Variants in PUS3 observed in about 807,000 individuals in gnomAD.
The protein encoded by PUS3 is tRNA pseudouridine(38/39) synthase.
PUS3 carries 36 observed loss-of-function variants against 43.3 expected under a neutral mutation model. The observed-to-expected ratio is 0.83, with a 90% CI of 0.64 to 1.10. PUS3 has a LOEUF of 1.10. PUS3 is among the 50% of genes least tolerant of loss of function. The pLI is 0.00. For synonymous variants in PUS3, 183 were observed against 199.2 expected, an observed-to-expected ratio of 0.92 and a Z score of 0.69; for missense variants, 544 against 589.9, an observed-to-expected ratio of 0.92 and a Z score of 0.81.
Position 125,893,902 on chromosome 11 carries a change from A to G in PUS3, c.1329T>C (p.His443=), listed in dbSNP as rs752397379. The change falls in exon 4 of 4, where the codon CAT becomes CAC. Residue 443 remains histidine (H), a synonymous_variant. Transcript: ENST00000227474. ...CCCTTTTGGCTTTTGTTTCTTCCTC[A>G]TGGAATAAATGTGGGTGCTCAATTC... ...RGRIEHPHLF[H]EEETKAKRDC... is the part of the protein sequence containing the mutation. 13 of 1,614,038 alleles carry G rather than the reference A, an allele frequency of 8.1e-6. No homozygotes were observed. The highest frequency in any genetic ancestry group is 1.1e-5 in the Non-Finnish European group (13 of 1,180,012).
intron 1 of PUS3, among the ~76,000 whole-genome samples, chr11:125,897,522 T>TA (rs367854387): frequency 0.045 from 6,687 of 147,248 alleles, 240 homozygotes; most frequent in East Asian, 0.11. Flanking sequence ...AATGAAAAAG[T>TA]AAAAAAAAAA....
chr11:125,896,594 T>C (rs1215707798), intron 1 of PUS3, among the ~76,000 whole-genome samples: 7 of 152,220 alleles, frequency 4.6e-5, no homozygotes, highest in Non-Finnish European at 8.8e-5. Flanking sequence ...AGGGAGAATG[T>C]CTATAGATTT....
intron 1 of PUS3, chr11:125,899,226 TATG>T (rs1944681953): frequency 1.4e-6 from 1 of 699,256 alleles, no homozygotes; most frequent in African/African-American, 1.8e-5. Flanking sequence ...GTATTGAATT[TATG>T]ATGGCCTTAG....
At chr11:125,900,090 T>A (rs759786567) in intron 1 of PUS3, 1 of 1,614,144 alleles carries the variant, frequency 6.2e-7, no homozygotes, top group East Asian at 2.2e-5. Context: ...CGCTGGGGTG[T>A]CCGAGAGCAG....
At chr11:125,899,261 G>GC in intron 1 of PUS3, 1 of 926,904 alleles carries the variant, frequency 1.1e-6, no homozygotes, top group Non-Finnish European at 1.7e-6. Context: ...CCATTTGACT[G>GC]CTATAAAACG....
chr11:125,899,927 A>G, intron 1 of PUS3: 3 of 1,614,216 alleles, frequency 1.9e-6, no homozygotes, highest in Non-Finnish European at 2.5e-6. Context: ...ACAAGACCTG[A>G]TTGTTGCCAG....
chr11:125,899,219 T>A, intron 1 of PUS3: 1 of 671,232 alleles, frequency 1.5e-6, no homozygotes, highest in Non-Finnish European at 2.6e-6. Context: ...CTACCCTGTA[T>A]TGAATTTATG....
In PUS3 at chr11:125,894,173, G is replaced by T. The variant is rs1409803583; in HGVS notation, c.1058C>A (p.Ala353Asp). Residue 353 changes from alanine (A) to aspartate (D), a missense_variant, in exon 4 of 4, where the codon GCT becomes GAT. Transcript: ENST00000227474. ...CATGTGAGTTTTGACAGCATGATTA[G>T]CCCACAGTTGTTGTAGGTGGGTAAT... ...FNITHLQQLW[A>D]NHAVKTHMLY... The T allele has an allele frequency of 1.2e-6, 2 of 1,614,100 alleles. No individual in the cohort carries two copies. Among genetic ancestry groups the T allele is most frequent in the Admixed American group, 3.3e-5 (2 of 60,018 alleles).
At chr11:125,902,295 C>T (rs1179217223) in intron 1 of PUS3, among the ~76,000 whole-genome samples, 1 of 144,316 alleles carries the variant, frequency 6.9e-6, no homozygotes, top group Non-Finnish European at 1.5e-5. Context: ...CGGCCATCAC[C>T]AGATGTTCCA....
intron 1 of PUS3, among the ~76,000 whole-genome samples, chr11:125,902,235 C>T (rs1211574205): frequency 6.6e-6 from 1 of 152,122 alleles, no homozygotes; most frequent in Non-Finnish European, 1.5e-5. Flanking sequence ...TGCGAAGTAA[C>T]CACAGAGAGG....
chr11:125,900,284 T>C lies in PUS3; in HGVS notation c.-47+2886A>G, dbSNP rs550250471. The C allele has an allele frequency of 4.3e-6, 7 of 1,612,332 alleles. No homozygotes were observed. In the African/African-American group the frequency reaches 6.7e-5, roughly 15 times the overall value. On this transcript the variant is annotated intron_variant, in intron 1 of 3. Transcript: ENST00000227474. ...TCCTTCTTAAATCTTTTTAAACTTC[T>C]TTCACAGGATTGTTTGAGATAACCT...
intron 1 of PUS3, chr11:125,900,322 C>G (rs1944732758): frequency 6.5e-7 from 1 of 1,534,582 alleles, no homozygotes; most frequent in African/African-American, 1.4e-5. Context: ...CTCTTTATAT[C>G]TTCCCTTTTA....
At chr11:125,896,437 T>C in intron 1 of PUS3, 107 bp from the exon 2 acceptor site, 1 of 784,456 alleles carries the variant, frequency 1.3e-6, no homozygotes, top group African/African-American at 1.7e-5. Context: ...ACTTTTGCTT[T>C]TCCAGGAATA....
chr11:125,897,305 G>T (rs1017409862), intron 1 of PUS3, among the ~76,000 whole-genome samples: 1 of 152,076 alleles, frequency 6.6e-6, no homozygotes, highest in Admixed American at 6.5e-5. Context: ...AACATGGAAT[G>T]ACTTTTTTCT....
rs1441660486 is a variant in PUS3, at chr11:125,899,926, G to A, written c.-47+3244C>T. 2 of 1,614,214 alleles carry A rather than the reference G, an allele frequency of 1.2e-6. No individual in the cohort carries two copies. Among genetic ancestry groups the A allele is most frequent in the East Asian group, 4.5e-5 (2 of 44,882 alleles). On this transcript the variant is annotated intron_variant, in intron 1 of 3. Transcript: ENST00000227474. ...GCTCTCCAGCTTACGAACAAGACCT[G>A]ATTGTTGCCAGCAGACCCAAGTCCT...
intron 1 of PUS3, among the ~76,000 whole-genome samples, chr11:125,902,002 T>C (rs1343065933): frequency 6.6e-6 from 1 of 152,170 alleles, no homozygotes; most frequent in African/African-American, 2.4e-5. Context: ...CTCCAGTGAT[T>C]ATTTGGATCT....
At position 125,899,424 on chromosome 11, in the gene PUS3, G is replaced by A. The variant is rs755137516; in HGVS notation, c.-46-3094C>T. 6.8e-6 allele frequency: 11 copies of A among 1,614,082 alleles called. No homozygotes were observed. The highest frequency in any genetic ancestry group is 3.3e-5 in the Admixed American group (2 of 60,002). The stretch of plus-strand genomic sequence containing the variant: ...TGGGCTAATATGGATCCAGAAGAAC[G>A]AATGTTGGCAGCTGCTACAGCTTTT... On this transcript the variant is annotated intron_variant, in intron 1 of 3. Coordinates refer to ENST00000227474, the MANE Select transcript of PUS3 (RefSeq NM_031307.4).
chr11:125,895,885 G>A, intron 2 of PUS3, 22 bp downstream of exon 2: 1 of 1,605,634 alleles, frequency 6.2e-7, no homozygotes, highest in Non-Finnish European at 8.5e-7. Context: ...CTTGCTTTGA[G>A]AAACAGTGTA....
intron 1 of PUS3, among the ~76,000 whole-genome samples, chr11:125,898,578 T>C (rs1486310150): frequency 6.6e-6 from 1 of 151,836 alleles, no homozygotes; most frequent in Non-Finnish European, 1.5e-5. Context: ...TCCGGAGTCT[T>C]AGACAGGATA....
Sources: allele counts gnomAD v4.1 joint callset (sites outside exome capture counted in the v4.1 genomes callset), GRCh38; gene constraint gnomAD v4.1.1; transcripts MANE v1.5; gene names NCBI Gene and HGNC (gene_info 2026-07-23, HGNC 2026-07-21).